The following PDE3A variants were observed in gnomAD, a reference collection of about 807,000 sequenced individuals.
PDE3A encodes the protein phosphodiesterase 3A, also known as cGMP-inhibited 3',5'-cyclic phosphodiesterase 3A.
Under a neutral mutation model 98.3 loss-of-function variants are expected in PDE3A, and 43 were observed. The ratio of observed to expected loss-of-function variants is 0.44; its 90% CI spans 0.34 to 0.56. The LOEUF is 0.56. PDE3A is among the 20% of genes least tolerant of loss of function. The probability of loss-of-function intolerance (pLI) is 0.01; values close to 1 mark genes in which losing one functional copy is unlikely to be tolerated. For synonymous variants in PDE3A, 663 were observed against 567.9 expected (o/e 1.17, Z -2.38); for missense variants, 1,427 against 1,440.7 (o/e 0.99, Z 0.15).
intron 6 of PDE3A, among the ~76,000 whole-genome samples, chr12:20,630,770 A>G (rs536925523): frequency 6.6e-6 from 1 of 152,298 alleles, no homozygotes; most frequent in East Asian, 1.9e-4. Flanking sequence ...CTTACTGGTT[A>G]ATGTATTTTT....
At chr12:20,380,892 C>T (rs2417850) in intron 1 of PDE3A, among the ~76,000 whole-genome samples, 105,477 of 151,762 alleles carry the variant, frequency 0.7, 36,850 homozygotes, top group East Asian at 0.98. Flanking sequence ...TTACATTTTG[C>T]AAAACATTTT....
chr12:20,382,267 C>T (rs939026030), intron 1 of PDE3A, among the ~76,000 whole-genome samples: 3 of 151,878 alleles, frequency 2.0e-5, no homozygotes. Flanking sequence ...GGACTATAAA[C>T]TTGTGTCTAC....
intron 1 of PDE3A, among the ~76,000 whole-genome samples, chr12:20,385,975 TTAATATA>T (rs1301606478): frequency 1.2e-4 from 11 of 88,554 alleles, no homozygotes; most frequent in African/African-American, 4.4e-4. Context: ...ATATTAATTA[TTAATATA>T]TAATATATAT....
chr12:20,654,830 G>A lies in PDE3A; in HGVS notation c.3184+625G>A, dbSNP rs894174597. On this transcript the variant is annotated intron_variant, in intron 15 of 15. Coordinates refer to ENST00000359062, the MANE Select transcript of PDE3A (RefSeq NM_000921.5). Reference sequence around the variant, plus strand: ...CCCAGCTGCTTCAGGTTATGTTAGCGATTTAAAAGTGAAAGAATTTCAGTT... The same window carrying A: ...CCCAGCTGCTTCAGGTTATGTTAGCAATTTAAAAGTGAAAGAATTTCAGTT... 3.9e-5 allele frequency among the ~76,000 whole-genome samples: 6 copies of A among 152,060 alleles called. No homozygotes were observed. The South Asian group carries it at 8.3e-4, about 21-fold the overall frequency.
In PDE3A at chr12:20,406,680, T is replaced by C. The variant is rs190424661; in HGVS notation, c.960+36436T>C. Among the ~76,000 whole-genome samples, 725 of 152,288 alleles carry C rather than the reference T, an allele frequency of 4.8e-3. 1 individual carries two copies. The highest frequency in any genetic ancestry group is 0.016 in the African/African-American group (686 of 41,584). ...GTTGCATTTTCATTTCATTGATCAC[T>C]TCCTTTGTTGTGGAGAAGCCTTTTA... On this transcript the variant is annotated intron_variant, in intron 1 of 15. Coordinates refer to ENST00000359062, the MANE Select transcript of PDE3A (RefSeq NM_000921.5).
chr12:20,677,608 C>T lies in PDE3A; in HGVS notation c.3185-2422C>T, dbSNP rs555142163. Among the ~76,000 whole-genome samples, 193 of 152,106 alleles carry T rather than the reference C, an allele frequency of 1.3e-3. 1 individual carries two copies. Among genetic ancestry groups the T allele is most frequent in the Middle Eastern group, 3.4e-3 (1 of 294 alleles). Reference sequence around the variant, plus strand: ...CCAAGTAGCTGGGATTACAGGTGCCCGCCACCATGCCTGGCTAATTTTTTG... The same window carrying T: ...CCAAGTAGCTGGGATTACAGGTGCCTGCCACCATGCCTGGCTAATTTTTTG... On this transcript the variant is annotated intron_variant, in intron 15 of 15. Transcript: ENST00000359062.
At chr12:20,482,821 AC>A (rs529874381) in intron 1 of PDE3A, among the ~76,000 whole-genome samples, 8 of 152,344 alleles carry the variant, frequency 5.3e-5, no homozygotes, top group Admixed American at 2.0e-4. Flanking sequence ...ATGCAGCTGT[AC>A]TACAGATTTA....
At position 20,616,324 on chromosome 12, in the gene PDE3A, C is replaced by A. The variant is rs748826023; in HGVS notation, c.1364C>A (p.Pro455His). 2 of 1,614,060 alleles carry A rather than the reference C, an allele frequency of 1.2e-6. No individual in the cohort carries two copies. Among genetic ancestry groups the A allele is most frequent in the Admixed American group, 3.3e-5 (2 of 60,010 alleles). ...TSATGLPTLE[P>H]APVRRDRSTS... The stretch of plus-strand genomic sequence containing the variant: ...GCCACAGGTCTACCCACCTTGGAGC[C>A]TGCACCAGTACGGAGAGACCGCAGC... Residue 455 changes from proline to histidine, a missense_variant, in exon 4 of 16, where the codon CCT becomes CAT. This residue lies in a region of PDE3A where 1,012 missense variants were observed against 886.5 expected (regional missense o/e 1.14). Transcript: ENST00000359062.
intron 1 of PDE3A, among the ~76,000 whole-genome samples, chr12:20,551,078 C>T (rs1942185983): frequency 6.6e-6 from 1 of 151,140 alleles, no homozygotes; most frequent in Non-Finnish European, 1.5e-5. Context: ...AGTTTACTCC[C>T]TGTTTTCCAA....
At chr12:20,586,593 C>T (rs1159125584) in intron 2 of PDE3A, among the ~76,000 whole-genome samples, 4 of 152,298 alleles carry the variant, frequency 2.6e-5, no homozygotes, top group Non-Finnish European at 4.4e-5. Flanking sequence ...CTCCGATCTA[C>T]TAAAACTTTG....
intron 15 of PDE3A, among the ~76,000 whole-genome samples, chr12:20,669,811 C>G (rs927697677): frequency 2.6e-5 from 4 of 151,532 alleles, no homozygotes; most frequent in African/African-American, 9.7e-5. Flanking sequence ...AAATAACCAG[C>G]TAACATCATA....
At chr12:20,379,737 A>C (rs1397506509) in intron 1 of PDE3A, among the ~76,000 whole-genome samples, 2 of 151,852 alleles carry the variant, frequency 1.3e-5, no homozygotes, top group African/African-American at 4.8e-5. Flanking sequence ...AAGAGAAGAA[A>C]TAAGACTATC....
intron 6 of PDE3A, 40 bp from the exon 7 acceptor site, chr12:20,633,653 A>G (rs199525191): frequency 8.3e-7 from 1 of 1,209,390 alleles, no homozygotes; most frequent in African/African-American, 1.5e-5. Flanking sequence ...ACTTTTTGAA[A>G]AGAGGAGGCT....
At chr12:20,655,369 G>C (rs745838485) in intron 15 of PDE3A, among the ~76,000 whole-genome samples, 2 of 152,118 alleles carry the variant, frequency 1.3e-5, no homozygotes, top group Non-Finnish European at 2.9e-5. Context: ...GCAAAGGTCC[G>C]GGGATGTACA....
intron 15 of PDE3A, among the ~76,000 whole-genome samples, chr12:20,671,916 G>C (rs1416958546): frequency 2.7e-5 from 4 of 145,588 alleles, no homozygotes; most frequent in East Asian, 2.1e-4. Context: ...AATTGTCCCT[G>C]TTTGCAGATG....
intron 1 of PDE3A, among the ~76,000 whole-genome samples, chr12:20,528,352 A>C (rs1302127295): frequency 1.3e-5 from 2 of 152,194 alleles, no homozygotes; most frequent in Non-Finnish European, 2.9e-5. Context: ...GGTGTTGAAT[A>C]ATATATTGTG....
At chr12:20,401,861 A>G (rs1944138228) in intron 1 of PDE3A, among the ~76,000 whole-genome samples, 1 of 152,196 alleles carries the variant, frequency 6.6e-6, no homozygotes, top group African/African-American at 2.4e-5. Context: ...TGCCATGTAG[A>G]TGCTTAACAA....
intron 1 of PDE3A, among the ~76,000 whole-genome samples, chr12:20,478,265 A>G (rs1319538951): frequency 6.6e-6 from 1 of 152,176 alleles, no homozygotes; most frequent in Admixed American, 6.6e-5. Context: ...GGAAGGAGCA[A>G]TGATTCAAAA....
intron 2 of PDE3A, among the ~76,000 whole-genome samples, chr12:20,565,479 A>C (rs1001933825): frequency 2.0e-5 from 3 of 152,038 alleles, no homozygotes; most frequent in Non-Finnish European, 4.4e-5. Flanking sequence ...GATTGTGCCA[A>C]AAATAATCAG....
Sources: allele counts gnomAD v4.1 joint callset (sites outside exome capture counted in the v4.1 genomes callset), GRCh38; gene constraint gnomAD v4.1.1; regional missense constraint gnomAD v4.1.1; transcripts MANE v1.5; gene names NCBI Gene and HGNC (gene_info 2026-07-23, HGNC 2026-07-21).